Variants in WASHC2A observed in about 807,000 individuals in gnomAD.
The protein encoded by WASHC2A is WASH complex subunit 2A.
A neutral mutation model predicts 140.3 loss-of-function variants in WASHC2A; 82 were observed. The ratio of observed to expected loss-of-function variants is 0.58; its 90% CI spans 0.49 to 0.70. The LOEUF is 0.70. Among genes scored for constraint, WASHC2A ranks in the 30% least tolerant of loss-of-function variants. WASHC2A has a pLI of 0.00. For synonymous variants in WASHC2A, 340 were observed against 560.8 expected (o/e 0.61, Z 5.56); for missense variants, 985 against 1,521.8 (o/e 0.65, Z 5.87).
At chr10:50,120,954 T>C (rs1386597098) in intron 23 of WASHC2A, among the ~76,000 whole-genome samples, 1 of 145,332 alleles carries the variant, frequency 6.9e-6, no homozygotes, top group East Asian at 2.0e-4. Context: ...AACCTTTTCA[T>C]GGTAAAGCAC....
chr10:50,094,962 C>A (rs10159765), intron 13 of WASHC2A, among the ~76,000 whole-genome samples, 186 bp from the exon 14 acceptor site: 144,913 of 151,484 alleles, frequency 0.96, 69,653 homozygotes, highest in East Asian at 1. Context: ...TGTTAATCCC[C>A]AAAAAAAAGT....
intron 7 of WASHC2A, among the ~76,000 whole-genome samples, chr10:50,086,356 G>T (rs1273812843): frequency 6.6e-6 from 1 of 151,510 alleles, no homozygotes; most frequent in African/African-American, 2.4e-5. Flanking sequence ...TTTAGCCACC[G>T]ATGTGGCACT....
At position 50,091,482 on chromosome 10, in the gene WASHC2A, G is replaced by A; in HGVS notation, c.895G>A (p.Gly299Arg). ...FADELAARIKGDAVGRVDEEP... is the reference protein window; with the variant it reads ...FADELAARIKRDAVGRVDEEP... The stretch of plus-strand genomic sequence containing the variant: ...AGATGAGCTGGCTGCCCGCATCAAG[G>A]GGGATGCCGTGGGTCGAGTGGACGA... The change falls in exon 10 of 31, where the codon GGG (glycine) becomes AGG (arginine). Residue 299 changes from glycine to arginine, a missense_variant. Physicochemically the swap from Gly to Arg is moderately radical, Grantham distance 125. Transcript: ENST00000282633. 1 of 1,550,706 alleles carries A rather than the reference G, an allele frequency of 6.4e-7. No individual in the cohort carries two copies.
At chr10:50,120,636 A>G (rs1490477967) in intron 23 of WASHC2A, among the ~76,000 whole-genome samples, 1 of 141,358 alleles carries the variant, frequency 7.1e-6, no homozygotes, top group Admixed American at 6.9e-5. Context: ...AAAAAAAAAA[A>G]AAATAGATGA....
chr10:50,113,272 T>C (rs1279546518), intron 20 of WASHC2A, among the ~76,000 whole-genome samples: 4 of 152,072 alleles, frequency 2.6e-5, no homozygotes, highest in African/African-American at 7.2e-5. Context: ...GAGAGGCTAC[T>C]TGAGTTCAGG....
At chr10:50,115,627 G>A (rs1373457325) in intron 21 of WASHC2A, among the ~76,000 whole-genome samples, 4 of 138,558 alleles carry the variant, frequency 2.9e-5, no homozygotes, top group Non-Finnish European at 6.2e-5. Flanking sequence ...TTGATTTTGT[G>A]CTGCCTTTGT....
At chr10:50,095,450 G>C in intron 14 of WASHC2A, 149 bp from the exon 15 acceptor site, 1 of 1,413,550 alleles carries the variant, frequency 7.1e-7, no homozygotes, top group Non-Finnish European at 9.7e-7. Flanking sequence ...ATGTTCTGTA[G>C]CAGTAATGGA....
chr10:50,090,515 A>AAAAAATATATATATATATATATATATAT (rs1214596899), intron 8 of WASHC2A, among the ~76,000 whole-genome samples: 1 of 108,766 alleles, frequency 9.2e-6, no homozygotes, highest in African/African-American at 3.3e-5. Context: ...AAAAAAAAAA[A>AAAAAATATATATATATATATATATATAT]ATATATATAT....
intron 8 of WASHC2A, among the ~76,000 whole-genome samples, chr10:50,089,495 G>A (rs1223509940): frequency 6.6e-6 from 1 of 151,818 alleles, no homozygotes; most frequent in Non-Finnish European, 1.5e-5. Flanking sequence ...TAACAGATAA[G>A]GCTAAGTTTG....
chr10:50,078,614 A>G (rs1838598838), intron 3 of WASHC2A, 61 bp from the exon 4 acceptor site: 9 of 1,611,450 alleles, frequency 5.6e-6, no homozygotes, highest in Non-Finnish European at 6.8e-6. Flanking sequence ...GAATTCTTAT[A>G]TTGTGATTTA....
rs1228495694 is a variant in WASHC2A at position 50,126,614 on chromosome 10, G to T, written c.2811+435G>T. 4 of 272,366 alleles carry T rather than the reference G, an allele frequency of 1.5e-5. No homozygotes were observed. In the East Asian group the frequency reaches 2.9e-4, roughly 20 times the overall value. 16.9% of individuals were successfully genotyped at this position (272,366 alleles called of 1,614,324 possible). On this transcript the variant is annotated intron_variant, in intron 26 of 30. Transcript: ENST00000282633. ...TACTCTGCAGCAGTCTTCCCAGAAC[G>T]CTGTGGAGCTCCTCCTGGGAACAGC...
rs373928230 is a variant in WASHC2A at position 50,126,328 on chromosome 10, C to G, written c.2811+149C>G. On this transcript the variant is annotated intron_variant, in intron 26 of 30. Coordinates refer to ENST00000282633, the MANE Select transcript of WASHC2A (RefSeq NM_001005751.3). ...CCGCTTTGTCTTCACTGCACTCCCC[C>G]CAAGTCATCTCCCCTCTCCTCGCTC... 617 of 1,395,384 alleles carry G rather than the reference C, an allele frequency of 4.4e-4. 4 individuals carry two copies. Among genetic ancestry groups the G allele is most frequent in the East Asian group, 3.9e-3 (168 of 43,186 alleles). 86.4% of individuals were successfully genotyped at this position (1,395,384 alleles called of 1,614,324 possible).
chr10:50,077,365 G>T lies in WASHC2A; in HGVS notation c.292-1310G>T, dbSNP rs557056921. On this transcript the variant is annotated intron_variant, in intron 3 of 30. Coordinates refer to ENST00000282633, the MANE Select transcript of WASHC2A (RefSeq NM_001005751.3). Reference sequence around the variant, plus strand: ...TATGCACTTGTTAGCTTATATTTATGTTCAGAGCCTCAGGAAATGAGCATA... The same window carrying T: ...TATGCACTTGTTAGCTTATATTTATTTTCAGAGCCTCAGGAAATGAGCATA... Among the ~76,000 whole-genome samples the T allele has an allele frequency of 1.2e-4, 18 of 152,252 alleles. No homozygotes were observed. The East Asian group carries it at 3.5e-3, about 29-fold the overall frequency.
chr10:50,129,281 T>C, intron 28 of WASHC2A, 138 bp from the exon 29 acceptor site: 1 of 1,462,306 alleles, frequency 6.8e-7, no homozygotes, highest in Non-Finnish European at 9.4e-7. Flanking sequence ...AAATAACCTC[T>C]TCTATGTTCT....
chr10:50,131,383 G>A (rs1227432971), intron 30 of WASHC2A, among the ~76,000 whole-genome samples: 1 of 152,194 alleles, frequency 6.6e-6, no homozygotes, highest in Admixed American at 6.5e-5. Flanking sequence ...TATGAAAGGA[G>A]GTTTGATCAG....
At chr10:50,077,792 C>T (rs1838507970) in intron 3 of WASHC2A, among the ~76,000 whole-genome samples, 1 of 148,904 alleles carries the variant, frequency 6.7e-6, no homozygotes, top group Admixed American at 6.7e-5. Context: ...CCTGACTAAG[C>T]CCCACAAGTA....
intron 19 of WASHC2A, among the ~76,000 whole-genome samples, chr10:50,109,276 T>G (rs1256390380): frequency 8.5e-5 from 13 of 152,236 alleles, no homozygotes; most frequent in Non-Finnish European, 1.9e-4. Context: ...TAGAATTTCC[T>G]TAAATGCTTT....
intron 27 of WASHC2A, 97 bp downstream of exon 27, chr10:50,127,319 A>G (rs1452194000): frequency 3.2e-5 from 51 of 1,604,088 alleles, no homozygotes; most frequent in Middle Eastern, 4.5e-4. Context: ...GCATCTTCTC[A>G]TCTCTTCCCC....
At chr10:50,088,967 T>TC (rs1180047077) in intron 8 of WASHC2A, among the ~76,000 whole-genome samples, 1 of 104,968 alleles carries the variant, frequency 9.5e-6, no homozygotes, top group East Asian at 2.4e-4. Flanking sequence ...CCTTTTTTTT[T>TC]TTTTTTTTTT....
Sources: gnomAD v4.1 joint callset for allele counts (sites outside exome capture counted in the v4.1 genomes callset) on GRCh38, gnomAD v4.1.1 for gene constraint, MANE v1.5 for transcripts, NCBI Gene and HGNC (gene_info 2026-07-23, HGNC 2026-07-21) for gene names.